PLCG2: variants seen among roughly 807,000 people sequenced by gnomAD.
PLCG2 encodes the protein 1-phosphatidylinositol 4,5-bisphosphate phosphodiesterase gamma-2.
In PLCG2, 69 loss-of-function variants were observed where a neutral mutation model predicts 175.6. The ratio of observed to expected loss-of-function variants is 0.39; its 90% CI spans 0.32 to 0.48. The LOEUF (loss-of-function observed/expected upper bound fraction) is 0.48, where lower values mean the gene tolerates loss of function less well. PLCG2 is among the 20% of genes least tolerant of loss of function. The pLI is 0.91. For synonymous variants in PLCG2, 827 were observed against 624.0 expected, an observed-to-expected ratio of 1.33 and a Z score of -4.85; for missense variants, 1,798 against 1,650.9, an observed-to-expected ratio of 1.09 and a Z score of -1.54.
Position 81,938,861 on chromosome 16 carries a change from G to C in PLCG2, c.3259G>C (p.Val1087Leu). The change falls in exon 29 of 33, where the codon GTG (valine) becomes CTG (leucine). Residue 1087 changes from valine (V) to leucine (L), a missense_variant. Coordinates refer to ENST00000564138, the MANE Select transcript of PLCG2 (RefSeq NM_002661.5). ...GRSIACPFVE[V>L]EICGAEYDNN... is the part of the protein sequence containing the mutation. ...AAGTATTGCCTGTCCCTTTGTAGAA[G>C]TGGAGATCTGTGGAGCCGAGTATGA... The C allele has an allele frequency of 6.2e-7, 1 of 1,613,802 alleles. No individual in the cohort carries two copies. Among genetic ancestry groups the C allele is most frequent in the Non-Finnish European group, 8.5e-7 (1 of 1,179,844 alleles).
intron 2 of PLCG2, among the ~76,000 whole-genome samples, chr16:81,802,186 C>G (rs1309028958): frequency 7.2e-6 from 1 of 138,438 alleles, no homozygotes; most frequent in Non-Finnish European, 1.5e-5. Context: ...TATCTTGGCT[C>G]ACTGCAAGCT....
intron 2 of PLCG2, among the ~76,000 whole-genome samples, chr16:81,847,397 C>G (rs531073664): frequency 7.9e-5 from 12 of 152,278 alleles, no homozygotes; most frequent in Non-Finnish European, 1.8e-4. Context: ...TGGTGACCAA[C>G]TCAGTCTTTA....
rs1292607760 is a variant in PLCG2 at position 81,919,628 on chromosome 16, C to T, written c.2199C>T (p.Tyr733=). The part of the protein sequence containing the change: ...HSLYRKMRLR[Y]PVTPELLERY... ...TCTACCGAAAGATGAGACTGCGCTA[C>T]CCCGTGACCCCCGAGCTCCTGGAGC... The change falls in exon 20 of 33, where the codon TAC becomes TAT. Residue 733 remains tyrosine (Y), a synonymous_variant. Transcript: ENST00000564138. 1.2e-6 allele frequency: 2 copies of T among 1,614,048 alleles called. No homozygotes were observed. Among genetic ancestry groups the T allele is most frequent in the South Asian group, 1.1e-5 (1 of 91,070 alleles).
At position 81,960,850 on chromosome 16, in the gene PLCG2, G is replaced by C. The variant is rs1911754412; in HGVS notation, c.*2852G>C. 1 of 229,766 alleles carries C rather than the reference G, an allele frequency of 4.4e-6. No homozygotes were observed. Among genetic ancestry groups the C allele is most frequent in the Admixed American group, 5.7e-5 (1 of 17,668 alleles). 14.2% of individuals were successfully genotyped at this position (229,766 alleles called of 1,614,324 possible). A position where few individuals can be genotyped will look rare whatever the true frequency, so the allele number is the denominator to read the frequency against. On this transcript the variant is annotated 3_prime_UTR_variant, in exon 33 of 33. Coordinates refer to ENST00000564138, the MANE Select transcript of PLCG2 (RefSeq NM_002661.5). ...CTTTCCAAGGAATACACAGACTCCA[G>C]TACTCTCAGGGGAGCAGTGTTCAGA...
At chr16:81,819,125 C>T (rs1332889011) in intron 2 of PLCG2, among the ~76,000 whole-genome samples, 3 of 152,092 alleles carry the variant, frequency 2.0e-5, no homozygotes, top group Non-Finnish European at 2.9e-5. Flanking sequence ...ACATTCTGGT[C>T]GGCCTGACTG....
chr16:81,743,363 A>G (rs774296152), intron 1 of PLCG2, among the ~76,000 whole-genome samples: 2 of 152,322 alleles, frequency 1.3e-5, no homozygotes, highest in Middle Eastern at 3.4e-3. Context: ...AAACAAAAAC[A>G]AAACAAAAGA....
chr16:81,833,000 T>G (rs1028443673), intron 2 of PLCG2, among the ~76,000 whole-genome samples: 4 of 152,100 alleles, frequency 2.6e-5, no homozygotes, highest in African/African-American at 9.7e-5. Flanking sequence ...AAGTCACGCT[T>G]GTGAGATGTG....
intron 2 of PLCG2, among the ~76,000 whole-genome samples, chr16:81,829,249 C>G (rs558138574): frequency 6.6e-6 from 1 of 152,328 alleles, no homozygotes; most frequent in African/African-American, 2.4e-5. Context: ...GCTGGGATTA[C>G]ATGCACACAC....
At position 81,960,850 on chromosome 16, in the gene PLCG2, G is replaced by A; in HGVS notation, c.*2852G>A. 3 of 229,884 alleles carry A rather than the reference G, an allele frequency of 1.3e-5. No individual in the cohort carries two copies. Among genetic ancestry groups the A allele is most frequent in the Non-Finnish European group, 2.6e-5 (3 of 115,920 alleles). 14.2% of individuals were successfully genotyped at this position (229,884 alleles called of 1,614,324 possible). On this transcript the variant is annotated 3_prime_UTR_variant, in exon 33 of 33. Transcript: ENST00000564138. ...CTTTCCAAGGAATACACAGACTCCA[G>A]TACTCTCAGGGGAGCAGTGTTCAGA...
chr16:81,868,181 G>A (rs561175665), intron 5 of PLCG2, among the ~76,000 whole-genome samples: 1 of 152,324 alleles, frequency 6.6e-6, no homozygotes, highest in South Asian at 2.1e-4. Flanking sequence ...AGCCCTGGGG[G>A]TCAACCATGT....
chr16:81,926,437 G>T (rs1355008862), intron 22 of PLCG2, among the ~76,000 whole-genome samples: 1 of 152,186 alleles, frequency 6.6e-6, no homozygotes, highest in Non-Finnish European at 1.5e-5. Context: ...ACCGTCTGGT[G>T]GGGTCCAGGA....
At chr16:81,897,413 T>A (rs1014871364) in intron 13 of PLCG2, among the ~76,000 whole-genome samples, 2 of 152,254 alleles carry the variant, frequency 1.3e-5, no homozygotes, top group Non-Finnish European at 2.9e-5. Flanking sequence ...GATAACTGTG[T>A]GCACCTCACA....
intron 2 of PLCG2, among the ~76,000 whole-genome samples, chr16:81,815,182 G>C (rs903630064): frequency 1.3e-5 from 2 of 152,214 alleles, no homozygotes; most frequent in East Asian, 3.8e-4. Flanking sequence ...TCTTCATGCA[G>C]AGGGTGGTTA....
chr16:81,880,812 C>G, intron 7 of PLCG2, 98 bp from the exon 8 acceptor site: 2 of 1,064,532 alleles, frequency 1.9e-6, no homozygotes, highest in Admixed American at 1.9e-5. Flanking sequence ...CTTGTTGCAT[C>G]TGACAAAATG....
intron 26 of PLCG2, among the ~76,000 whole-genome samples, chr16:81,935,293 A>G (rs1272102245): frequency 6.6e-6 from 1 of 152,062 alleles, no homozygotes; most frequent in Non-Finnish European, 1.5e-5. Flanking sequence ...GTGATGCATT[A>G]GGTCCACCTG....
chr16:81,873,529 C>G (rs767745838), intron 7 of PLCG2, among the ~76,000 whole-genome samples: 3 of 151,000 alleles, frequency 2.0e-5, no homozygotes, highest in Non-Finnish European at 4.4e-5. Flanking sequence ...TCGATTTACT[C>G]AAGATAAGTA....
intron 7 of PLCG2, among the ~76,000 whole-genome samples, chr16:81,879,635 C>T (rs1181133537): frequency 1.3e-5 from 2 of 152,152 alleles, no homozygotes; most frequent in African/African-American, 2.4e-5. Flanking sequence ...TGTTTTATGT[C>T]GTTAGCATTG....
chr16:81,813,239 T>C (rs1008382878), intron 2 of PLCG2, among the ~76,000 whole-genome samples: 6 of 152,324 alleles, frequency 3.9e-5, no homozygotes, highest in African/African-American at 1.4e-4. Flanking sequence ...GGAATAGCAT[T>C]GAATCTATAA....
intron 15 of PLCG2, among the ~76,000 whole-genome samples, chr16:81,905,791 C>G (rs1371346823): frequency 1.3e-5 from 2 of 152,120 alleles, no homozygotes; most frequent in Non-Finnish European, 2.9e-5. Flanking sequence ...CCCTGAGTCT[C>G]TGGGACCACA....
Sources: allele counts gnomAD v4.1 joint callset (sites outside exome capture counted in the v4.1 genomes callset), GRCh38; gene constraint gnomAD v4.1.1; transcripts MANE v1.5; gene names NCBI Gene and HGNC (gene_info 2026-07-23, HGNC 2026-07-21).